The following ZCCHC9 variants were observed in gnomAD, a reference collection of about 807,000 sequenced individuals.
ZCCHC9 encodes the protein zinc finger CCHC domain-containing protein 9.
In ZCCHC9, 18 loss-of-function variants were observed where a neutral mutation model predicts 30.8. The observed-to-expected ratio is 0.58, with a 90% CI of 0.40 to 0.87. The LOEUF is 0.87. Among genes scored for constraint, ZCCHC9 ranks in the 40% least tolerant of loss-of-function variants. The pLI, the probability that ZCCHC9 is intolerant of heterozygous loss-of-function variation, is 0.00. For synonymous variants in ZCCHC9, 94 were observed against 106.7 expected, an observed-to-expected ratio of 0.88 and a Z score of 0.73; for missense variants, 279 against 331.2, an observed-to-expected ratio of 0.84 and a Z score of 1.22.
intron 1 of ZCCHC9, chr5:81,304,131 G>T (rs1050175475): frequency 6.6e-6 from 1 of 152,228 alleles, no homozygotes; most frequent in African/African-American, 2.4e-5. Context: ...AATTGAAGAT[G>T]ATGTGAAATC....
chr5:81,311,170 C>A (rs750542826), intron 4 of ZCCHC9, 41 bp from the exon 5 acceptor site: 1 of 1,608,946 alleles, frequency 6.2e-7, no homozygotes, highest in East Asian at 2.2e-5. Context: ...AAACCCCTTG[C>A]AAGTATGAGA....
At chr5:81,305,590 T>C (rs1412722203) in intron 2 of ZCCHC9, among the ~76,000 whole-genome samples, 1 of 108,516 alleles carries the variant, frequency 9.2e-6, no homozygotes, top group East Asian at 2.3e-4. Flanking sequence ...AGACGCCATG[T>C]CTACCAAAAA....
intron 4 of ZCCHC9, 124 bp from the exon 5 acceptor site, chr5:81,311,087 C>G (rs1758268100): frequency 2.2e-6 from 2 of 921,982 alleles, no homozygotes; most frequent in Non-Finnish European, 1.8e-6. Context: ...CCCTATGATC[C>G]TGGTCTAGCT....
chr5:81,312,755 G>T lies in ZCCHC9; in HGVS notation c.*93G>T, dbSNP rs1758331932. 6.6e-6 allele frequency: 6 copies of T among 910,564 alleles called. No individual in the cohort carries two copies. Among genetic ancestry groups the T allele is most frequent in the Non-Finnish European group, 8.8e-6 (5 of 567,636 alleles). 56.4% of individuals were successfully genotyped at this position (910,564 alleles called of 1,614,324 possible). On this transcript the variant is annotated 3_prime_UTR_variant, in exon 6 of 6. Coordinates refer to ENST00000407610, the MANE Select transcript of ZCCHC9 (RefSeq NM_001131035.2). ...TAGAGTTGAGCTCCCCTGTAGCCAG[G>T]ACTATGCTGTAGATATCAGTATGAT...
At position 81,307,348 on chromosome 5, in the gene ZCCHC9, A is replaced by G. The variant is rs576382691; in HGVS notation, c.385-1213A>G. Reference sequence around the variant, plus strand: ...GTATTGTGCATATATTCTAAAAATGAAACCTATTTCTGAATATTAAAGAAT... The same window carrying G: ...GTATTGTGCATATATTCTAAAAATGGAACCTATTTCTGAATATTAAAGAAT... On this transcript the variant is annotated intron_variant, in intron 2 of 5. Transcript: ENST00000407610. Among the ~76,000 whole-genome samples the G allele has an allele frequency of 7.9e-5, 12 of 152,326 alleles. No individual in the cohort carries two copies. In the South Asian group the frequency reaches 2.5e-3, roughly 32 times the overall value.
Position 81,301,664 on chromosome 5 carries a change from G to GTGCGCGGTAAGAAGC in ZCCHC9, c.-42_-28dup, listed in dbSNP as rs796566218. 93 of 152,622 alleles carry GTGCGCGGTAAGAAGC rather than the reference G, an allele frequency of 6.1e-4. No individual in the cohort carries two copies. Among genetic ancestry groups the GTGCGCGGTAAGAAGC allele is most frequent in the African/African-American group, 2.0e-3 (83 of 41,596 alleles). The allele number at this position is 152,622 out of a possible 1,614,324, so 9.5% of individuals were successfully genotyped here. On this transcript the variant is annotated 5_prime_UTR_variant, in exon 1 of 6. Coordinates refer to ENST00000407610, the MANE Select transcript of ZCCHC9 (RefSeq NM_001131035.2). Reference sequence around the variant, plus strand: ...CCAACTCGGCTGCTCTGGGGGATTCGTGCGCGGTAAGAAGCTGCGCGGTAG... The same window carrying GTGCGCGGTAAGAAGC: ...CCAACTCGGCTGCTCTGGGGGATTCGTGCGCGGTAAGAAGCTGCGCGGTAAGAAGCTGCGCGGTAG...
chr5:81,309,645 T>C (rs1032694823), intron 4 of ZCCHC9, among the ~76,000 whole-genome samples: 1 of 152,194 alleles, frequency 6.6e-6, no homozygotes, highest in African/African-American at 2.4e-5. Flanking sequence ...GTTTCCCTCC[T>C]GGAGAAGTCC....
intron 2 of ZCCHC9, among the ~76,000 whole-genome samples, chr5:81,305,897 C>T (rs1758071605): frequency 6.6e-6 from 1 of 152,146 alleles, no homozygotes. Flanking sequence ...AAAGGATGTT[C>T]TTTATCTATG....
chr5:81,306,849 C>G (rs1360324525), intron 2 of ZCCHC9, among the ~76,000 whole-genome samples: 1 of 152,116 alleles, frequency 6.6e-6, no homozygotes, highest in Non-Finnish European at 1.5e-5. Flanking sequence ...GTAGAGACCA[C>G]CTTGACTTCA....
At chr5:81,311,677 G>A (rs564862729) in intron 5 of ZCCHC9, among the ~76,000 whole-genome samples, 2 of 152,248 alleles carry the variant, frequency 1.3e-5, no homozygotes, top group East Asian at 3.9e-4. Flanking sequence ...TGCTTTGTAT[G>A]TACCTAAAAG....
rs1372417378 is a variant in ZCCHC9, at chr5:81,309,039, G to A, written c.628+1G>A. The stretch of plus-strand genomic sequence containing the variant: ...AATCCCAAAGGACTCTATGCTGATG[G>A]TAAGTACTGTTACCCTCATATAGCA... On this transcript the variant is annotated splice_donor_variant, in intron 4 of 5. Transcript: ENST00000407610. LOFTEE classifies it high-confidence loss of function. The A allele has an allele frequency of 1.9e-6, 3 of 1,606,952 alleles. No individual in the cohort carries two copies. Among genetic ancestry groups the A allele is most frequent in the Non-Finnish European group, 2.5e-6 (3 of 1,176,542 alleles).
At position 81,312,862 on chromosome 5, in the gene ZCCHC9, G is replaced by C. The variant is rs990613250; in HGVS notation, c.*200G>C. The stretch of plus-strand genomic sequence containing the variant: ...ACTGTTTGGAGAAAATTGAAGAAAA[G>C]AATAAGATGATTAAATGAATTCTCT... On this transcript the variant is annotated 3_prime_UTR_variant, in exon 6 of 6. Coordinates refer to ENST00000407610, the MANE Select transcript of ZCCHC9 (RefSeq NM_001131035.2). 2.6e-6 allele frequency: 1 copy of C among 389,716 alleles called. No individual in the cohort carries two copies. The highest frequency in any genetic ancestry group is 2.0e-5 in the African/African-American group (1 of 49,078). The allele number at this position is 389,716 out of a possible 1,614,324, so 24.1% of individuals were successfully genotyped here. A position where few individuals can be genotyped will look rare whatever the true frequency, so the allele number is the denominator to read the frequency against.
chr5:81,309,238 A>G (rs1758192539), intron 4 of ZCCHC9, 200 bp downstream of exon 4: 1 of 445,212 alleles, frequency 2.2e-6, no homozygotes. Flanking sequence ...ACAAATCAGA[A>G]AAAACTAAGG....
At position 81,311,213 on chromosome 5, in the gene ZCCHC9, G is replaced by C. The variant is rs1489282892; in HGVS notation, c.631G>C (p.Gly211Arg). Residue 211 changes from glycine (G) to arginine (R), a missense_variant and splice_region_variant, in exon 5 of 6, where the codon GGC becomes CGC. By Grantham distance (125) the Gly-to-Arg change is moderately radical (BLOSUM62 -2). Transcript: ENST00000407610. The stretch of plus-strand genomic sequence containing the variant: ...CAGTGGCTTTGCTCTTTCAATAGGT[G>C]GCGGTTGCAAACTTTGTGGCTCTGT... ...DNPKGLYADG[G>R]GCKLCGSVEH... 10 of 1,613,942 alleles carry C rather than the reference G, an allele frequency of 6.2e-6. No individual in the cohort carries two copies. The highest frequency in any genetic ancestry group is 7.6e-6 in the Non-Finnish European group (9 of 1,179,938).
intron 3 of ZCCHC9, 102 bp from the exon 4 acceptor site, chr5:81,308,844 G>C (rs113571424): frequency 7.2e-7 from 1 of 1,380,996 alleles, no homozygotes; most frequent in Non-Finnish European, 9.7e-7. Flanking sequence ...TAAATTTTAA[G>C]TTATGTAAAT....
chr5:81,304,404 G>A (rs1174451726), intron 1 of ZCCHC9: 1 of 164,206 alleles, frequency 6.1e-6, no homozygotes, highest in East Asian at 1.7e-4. Flanking sequence ...ACTGCAGAAT[G>A]TGGGAGGAAT....
chr5:81,304,880 A>G lies in ZCCHC9; in HGVS notation c.123A>G (p.Gln41=). The G allele has an allele frequency of 6.2e-7, 1 of 1,614,210 alleles. No individual in the cohort carries two copies. The highest frequency in any genetic ancestry group is 8.5e-7 in the Non-Finnish European group (1 of 1,180,044). ...GTSQNLPKRK[Q]LEANRLSLKN... is the part of the protein sequence containing the mutation. ...GCCAAAACCTACCAAAGCGTAAACAACTTGAAGCCAATAGGCTATCCCTCA... is the reference window on the plus strand; with the variant it reads ...GCCAAAACCTACCAAAGCGTAAACAGCTTGAAGCCAATAGGCTATCCCTCA... Residue 41 remains glutamine, a synonymous_variant, in exon 2 of 6, where the codon CAA becomes CAG. Transcript: ENST00000407610.
Position 81,308,936 on chromosome 5 carries a change from A to G in ZCCHC9, c.536-10A>G, listed in dbSNP as rs763176302. Reference sequence around the variant, plus strand: ...ATTGTCAACTGAATAGGAACTGTTGATTTTTACAGGCGAATTTCCTTTTGC... The same window carrying G: ...ATTGTCAACTGAATAGGAACTGTTGGTTTTTACAGGCGAATTTCCTTTTGC... On this transcript the variant is annotated splice_polypyrimidine_tract_variant and intron_variant, in intron 3 of 5. Coordinates refer to ENST00000407610, the MANE Select transcript of ZCCHC9 (RefSeq NM_001131035.2). 1.2e-5 allele frequency: 20 copies of G among 1,611,548 alleles called. No individual in the cohort carries two copies. Among genetic ancestry groups the G allele is most frequent in the Non-Finnish European group, 1.7e-5 (20 of 1,178,972 alleles).
At position 81,313,096 on chromosome 5, in the gene ZCCHC9, C is replaced by A. The variant is rs1758342383; in HGVS notation, c.*434C>A. On this transcript the variant is annotated 3_prime_UTR_variant, in exon 6 of 6. Transcript: ENST00000407610. ...AGAAATTTATAAGTTGCTAGAAAGTCTATATTTTTAAAGTACGGAATAAAA... is the reference window on the plus strand; with the variant it reads ...AGAAATTTATAAGTTGCTAGAAAGTATATATTTTTAAAGTACGGAATAAAA... The A allele has an allele frequency of 6.6e-6, 1 of 152,266 alleles. No homozygotes were observed. The highest frequency in any genetic ancestry group is 2.1e-4 in the South Asian group (1 of 4,832). 9.4% of individuals were successfully genotyped at this position (152,266 alleles called of 1,614,324 possible).
Sources: gnomAD v4.1 joint callset for allele counts (sites outside exome capture counted in the v4.1 genomes callset) on GRCh38, gnomAD v4.1.1 for gene constraint, MANE v1.5 for transcripts, NCBI Gene and HGNC (gene_info 2026-07-23, HGNC 2026-07-21) for gene names.